The following BRD4 variants were observed in gnomAD, a reference collection of about 807,000 sequenced individuals.
The protein encoded by BRD4 is bromodomain containing 4, also known as bromodomain-containing protein 4.
Under a neutral mutation model 142.1 loss-of-function variants are expected in BRD4, and 16 were observed. That is an observed-to-expected ratio of 0.11 (90% CI 0.08 to 0.17). The LOEUF (loss-of-function observed/expected upper bound fraction) is 0.17, where lower values mean the gene tolerates loss of function less well. Ranked by LOEUF, BRD4 falls within the 10% of genes least tolerant of loss-of-function variation. BRD4 has a pLI of 1.00. For synonymous variants in BRD4, 833 were observed against 707.5 expected (o/e 1.18, Z -2.82); for missense variants, 1,424 against 1,810.9 (o/e 0.79, Z 3.88).
chr19:15,269,171 C>G (rs1244324317), intron 2 of BRD4, 129 bp from the exon 3 acceptor site: 1 of 999,402 alleles, frequency 1.0e-6, no homozygotes, highest in East Asian at 2.5e-5. Flanking sequence ...AGCCACAGCT[C>G]CTACTGGCAT....
chr19:15,331,387 C>T (rs571791468), intron 1 of BRD4, among the ~76,000 whole-genome samples: 27 of 152,322 alleles, frequency 1.8e-4, no homozygotes, highest in South Asian at 1.7e-3. Flanking sequence ...TCACAACTCC[C>T]CCACATCCCC....
At chr19:15,244,089 GC>G (rs1291550112) in intron 13 of BRD4, 141 bp downstream of exon 13, 1 of 1,446,388 alleles carries the variant, frequency 6.9e-7, no homozygotes, top group African/African-American at 1.4e-5. Flanking sequence ...TTCCAAGATG[GC>G]CTCGAGAAGC....
intron 1 of BRD4, among the ~76,000 whole-genome samples, chr19:15,303,958 C>G (rs950963879): frequency 3.9e-5 from 6 of 152,142 alleles, no homozygotes; most frequent in African/African-American, 1.2e-4. Context: ...TGGAGTGATG[C>G]CCTCTGAGCC....
intron 9 of BRD4, 102 bp downstream of exon 9, chr19:15,255,962 C>G (rs2047403794): frequency 6.7e-7 from 1 of 1,485,556 alleles, no homozygotes; most frequent in Non-Finnish European, 9.1e-7. Flanking sequence ...GAGGGGCAGC[C>G]TCCGCACCCA....
intron 7 of BRD4, among the ~76,000 whole-genome samples, chr19:15,261,102 G>A (rs772480374): frequency 1.7e-4 from 26 of 152,244 alleles, no homozygotes; most frequent in African/African-American, 3.9e-4. Flanking sequence ...CTTCTCAAGA[G>A]AGTGGGAGAG....
chr19:15,293,465 G>T (rs891551804), intron 1 of BRD4, among the ~76,000 whole-genome samples: 1 of 152,186 alleles, frequency 6.6e-6, no homozygotes, highest in Non-Finnish European at 1.5e-5. Context: ...CAGGAAAGCA[G>T]ACAGCTATGT....
chr19:15,287,424 C>A (rs1042593802), intron 1 of BRD4, among the ~76,000 whole-genome samples: 8 of 152,106 alleles, frequency 5.3e-5, no homozygotes, highest in African/African-American at 1.9e-4. Context: ...TATTTATTTT[C>A]TTTAAAGATG....
In BRD4 at chr19:15,264,328, A is replaced by G. The variant is rs2047507079; in HGVS notation, c.1212+76T>C. On this transcript the variant is annotated intron_variant, in intron 6 of 19. Coordinates refer to ENST00000679869, the MANE Select transcript of BRD4 (RefSeq NM_001379291.1). Reference sequence around the variant, plus strand: ...CAGGGCCTGGGCTTCCTCTTGGACTAAAAGGTCTAGGAAGGTTCTGATGTG... The same window carrying G: ...CAGGGCCTGGGCTTCCTCTTGGACTGAAAGGTCTAGGAAGGTTCTGATGTG... The G allele has an allele frequency of 4.0e-6, 6 of 1,499,898 alleles. No homozygotes were observed. The African/African-American group carries it at 4.2e-5, about 10-fold the overall frequency. The allele number at this position is 1,499,898 out of a possible 1,614,324, so 92.9% of individuals were successfully genotyped here. A position where few individuals can be genotyped will look rare whatever the true frequency, so the allele number is the denominator to read the frequency against.
At chr19:15,295,419 T>C (rs1263656974) in intron 1 of BRD4, among the ~76,000 whole-genome samples, 3 of 152,234 alleles carry the variant, frequency 2.0e-5, no homozygotes, top group African/African-American at 7.2e-5. Flanking sequence ...CAAAAGGCTT[T>C]CCGTGTGTCC....
chr19:15,254,571 G>A (rs2047385481), intron 10 of BRD4, among the ~76,000 whole-genome samples: 1 of 152,180 alleles, frequency 6.6e-6, no homozygotes, highest in South Asian at 2.1e-4. Context: ...GTACCGCTGG[G>A]CATAAGGCTT....
At chr19:15,257,254 G>T (rs1466157888) in intron 7 of BRD4, 81 bp from the exon 8 acceptor site, 5 of 1,346,300 alleles carry the variant, frequency 3.7e-6, no homozygotes, top group Non-Finnish European at 5.0e-6. Flanking sequence ...TTGGCTGCTG[G>T]GGCCAACTCA....
intron 1 of BRD4, among the ~76,000 whole-genome samples, chr19:15,323,282 A>C (rs1381852832): frequency 6.6e-6 from 1 of 151,348 alleles, no homozygotes; most frequent in Non-Finnish European, 1.5e-5. Context: ...TTTATATATG[A>C]AAAACTGAGG....
In BRD4 at chr19:15,238,360, A is replaced by C. The variant is rs778489901; in HGVS notation, c.*17T>G. ...TGTTTTGCCAGAAAATCAAAGTCAG[A>C]AGCCACCTAGGTGCGCTCAGAAAAG... On this transcript the variant is annotated 3_prime_UTR_variant, in exon 20 of 20. Coordinates refer to ENST00000679869, the MANE Select transcript of BRD4 (RefSeq NM_001379291.1). The surrounding 1 kb of genome is among the most constrained non-coding windows in gnomAD (Gnocchi z 7.2). 6.2e-7 allele frequency: 1 copy of C among 1,613,844 alleles called. No homozygotes were observed. The highest frequency in any genetic ancestry group is 8.5e-7 in the Non-Finnish European group (1 of 1,179,876).
chr19:15,257,361 A>C (rs2047423002), intron 7 of BRD4, 188 bp from the exon 8 acceptor site: 1 of 593,562 alleles, frequency 1.7e-6, no homozygotes, highest in Non-Finnish European at 3.0e-6. Flanking sequence ...CAACTCTTGC[A>C]ACACTCTTCT....
Position 15,239,531 on chromosome 19 carries a change from T to TA in BRD4, c.3446-10dup, listed in dbSNP as rs1310183758. 2 of 1,607,884 alleles carry TA rather than the reference T, an allele frequency of 1.2e-6. No individual in the cohort carries two copies. The highest frequency in any genetic ancestry group is 2.2e-5 in the South Asian group (2 of 90,628). ...AGGCTTCATTTCCGGCCCTGGAACA[T>TA]AAACAGCCGGTGGGCCCTGGCCCAC... On this transcript the variant is annotated splice_polypyrimidine_tract_variant and intron_variant, in intron 16 of 19. Transcript: ENST00000679869. The surrounding 1 kb of genome is among the most constrained non-coding windows in gnomAD (Gnocchi z 7.4).
chr19:15,273,915 G>A (rs1455613488), intron 1 of BRD4, among the ~76,000 whole-genome samples: 2 of 149,436 alleles, frequency 1.3e-5, no homozygotes, highest in Non-Finnish European at 3.0e-5. Flanking sequence ...GCAGCTTTAT[G>A]CCTAGCACAC....
intron 11 of BRD4, chr19:15,246,619 G>C (rs1486985169): frequency 6.6e-6 from 1 of 152,124 alleles, no homozygotes; most frequent in Non-Finnish European, 1.5e-5. Flanking sequence ...TGTTTTTTTG[G>C]TTGTAAAAGA....
At chr19:15,292,517 G>A (rs1039099459) in intron 1 of BRD4, among the ~76,000 whole-genome samples, 1 of 152,138 alleles carries the variant, frequency 6.6e-6, no homozygotes, top group African/African-American at 2.4e-5. Context: ...AGTGGCTCAC[G>A]CCTGTAATCC....
chr19:15,244,853 T>G, intron 11 of BRD4, 91 bp from the exon 12 acceptor site: 2 of 1,602,096 alleles, frequency 1.2e-6, no homozygotes, highest in South Asian at 2.2e-5. Flanking sequence ...CAGGGCACTT[T>G]CAGGAGAAGG....
Sources: gnomAD v4.1 joint callset for allele counts (sites outside exome capture counted in the v4.1 genomes callset) on GRCh38, gnomAD v4.1.1 for gene constraint, Gnocchi (gnomAD v3.1) non-coding constraint, MANE v1.5 for transcripts, NCBI Gene and HGNC (gene_info 2026-07-23, HGNC 2026-07-21) for gene names.